MICOS10: variants seen among roughly 807,000 people sequenced by gnomAD.
MICOS10 encodes the protein mitochondrial contact site and cristae organizing system subunit 10.
MICOS10 carries 5 observed loss-of-function variants against 13.4 expected under a neutral mutation model. That is an observed-to-expected ratio of 0.37 (90% CI 0.20 to 0.78). The LOEUF is 0.78. Among genes scored for constraint, MICOS10 ranks in the 30% least tolerant of loss-of-function variants. The pLI, the probability that MICOS10 is intolerant of heterozygous loss-of-function variation, is 0.47. For missense variants in MICOS10, 101 were observed against 94.6 expected, an observed-to-expected ratio of 1.07 and a Z score of -0.28; for synonymous variants, 35 against 33.6, an observed-to-expected ratio of 1.04 and a Z score of -0.15.
At chr1:19,608,109 C>T (rs1360629964) in intron 1 of MICOS10, 1 of 1,022,804 alleles carries the variant, frequency 9.8e-7, no homozygotes. Flanking sequence ...AGACGACGTG[C>T]AGAAATGGCA....
chr1:19,625,868 C>T (rs1452278504), intron 3 of MICOS10, among the ~76,000 whole-genome samples: 1 of 152,170 alleles, frequency 6.6e-6, no homozygotes, highest in Non-Finnish European at 1.5e-5. Flanking sequence ...AAATCCCAAC[C>T]TGGGCTTATT....
rs1168133201 is a variant in MICOS10 at position 19,601,071 on chromosome 1, T to C, written c.64+3962T>C. On this transcript the variant is annotated intron_variant, in intron 1 of 3. Coordinates refer to ENST00000322753, the MANE Select transcript of MICOS10 (RefSeq NM_001032363.4). ...CCTGTTTGCTGTACGATGACTATTATAATCACTCGTGTTTAGCATAGGTGT... is the reference window on the plus strand; with the variant it reads ...CCTGTTTGCTGTACGATGACTATTACAATCACTCGTGTTTAGCATAGGTGT... The C allele has an allele frequency of 5.8e-6, 7 of 1,200,678 alleles. No individual in the cohort carries two copies. In the Admixed American group the frequency reaches 6.9e-5, roughly 12 times the overall value. 74.4% of individuals were successfully genotyped at this position (1,200,678 alleles called of 1,614,324 possible).
intron 1 of MICOS10, chr1:19,601,049 G>C (rs1299300725): frequency 3.9e-6 from 5 of 1,270,002 alleles, no homozygotes; most frequent in Non-Finnish European, 5.1e-6. Context: ...TTTCCCACCT[G>C]TTTGCTGTAC....
intron 3 of MICOS10, chr1:19,623,813 G>A: frequency 2.6e-6 from 1 of 377,898 alleles, no homozygotes; most frequent in Admixed American, 4.2e-5. Context: ...TCATGTGCTA[G>A]CCGATTGGAA....
rs568850747 is a variant in MICOS10 at position 19,626,424 on chromosome 1, G to A, written c.*23G>A. 139 of 1,613,668 alleles carry A rather than the reference G, an allele frequency of 8.6e-5. 3 individuals carry two copies. The South Asian group carries it at 1.3e-3, about 15-fold the overall frequency. ...TGACTTCACCTGAGAACATCCCAGC[G>A]GGAGGACAAGAGAAATCATGTTTAT... On this transcript the variant is annotated 3_prime_UTR_variant, in exon 4 of 4. Coordinates refer to ENST00000322753, the MANE Select transcript of MICOS10 (RefSeq NM_001032363.4).
chr1:19,622,206 G>T, intron 2 of MICOS10, 59 bp downstream of exon 2: 2 of 1,399,556 alleles, frequency 1.4e-6, no homozygotes, highest in Non-Finnish European at 1.0e-6. Flanking sequence ...ACGTAGCAGG[G>T]ACACTTCCAG....
rs1290956915 is a variant in MICOS10 at position 19,626,987 on chromosome 1, C to T, written c.*586C>T. 2 of 155,030 alleles carry T rather than the reference C, an allele frequency of 1.3e-5. No individual in the cohort carries two copies. The highest frequency in any genetic ancestry group is 6.3e-5 in the Admixed American group (1 of 15,890). The allele number at this position is 155,030 out of a possible 1,614,324, so 9.6% of individuals were successfully genotyped here. A position where few individuals can be genotyped will look rare whatever the true frequency, so the allele number is the denominator to read the frequency against. ...GCTGCTGTATTAGCAGGGGAAGAATCCTGGCTGTGTGGATGGCCCACTCCA... is the reference window on the plus strand; with the variant it reads ...GCTGCTGTATTAGCAGGGGAAGAATTCTGGCTGTGTGGATGGCCCACTCCA... On this transcript the variant is annotated 3_prime_UTR_variant, in exon 4 of 4. Coordinates refer to ENST00000322753, the MANE Select transcript of MICOS10 (RefSeq NM_001032363.4).
In MICOS10 at chr1:19,629,704, T is replaced by G. The variant is rs1404792617; in HGVS notation, c.*3303T>G. 2 of 152,238 alleles carry G rather than the reference T, an allele frequency of 1.3e-5. No individual in the cohort carries two copies. The highest frequency in any genetic ancestry group is 1.5e-5 in the Non-Finnish European group (1 of 68,044). 9.4% of individuals were successfully genotyped at this position (152,238 alleles called of 1,614,324 possible). On this transcript the variant is annotated 3_prime_UTR_variant, in exon 4 of 4. Transcript: ENST00000322753. ...TAGTTTTCCCAAACCTGTTTACATT[T>G]TTTAAAAATGTAACCAACCCATAAT... is the stretch of plus-strand genomic sequence containing the variant.
intron 1 of MICOS10, 97 bp from the exon 2 acceptor site, chr1:19,622,003 A>G: frequency 1.1e-6 from 1 of 895,176 alleles, no homozygotes; most frequent in Non-Finnish European, 1.7e-6. Context: ...TTATGAAAAA[A>G]AATCTGTTTA....
At position 19,626,419 on chromosome 1, in the gene MICOS10, C is replaced by T; in HGVS notation, c.*18C>T. 6 of 1,613,738 alleles carry T rather than the reference C, an allele frequency of 3.7e-6. No homozygotes were observed. The highest frequency in any genetic ancestry group is 5.1e-6 in the Non-Finnish European group (6 of 1,179,726). On this transcript the variant is annotated 3_prime_UTR_variant, in exon 4 of 4. Transcript: ENST00000322753. Reference sequence around the variant, plus strand: ...AGCAGTGACTTCACCTGAGAACATCCCAGCGGGAGGACAAGAGAAATCATG... The same window carrying T: ...AGCAGTGACTTCACCTGAGAACATCTCAGCGGGAGGACAAGAGAAATCATG...
intron 1 of MICOS10, chr1:19,600,990 G>T: frequency 3.1e-6 from 4 of 1,289,328 alleles, no homozygotes; most frequent in Non-Finnish European, 4.0e-6. Context: ...TTCTCTGTTT[G>T]GTTGTCTTAT....
intron 1 of MICOS10, among the ~76,000 whole-genome samples, chr1:19,613,292 C>G (rs1570488732): frequency 6.6e-6 from 1 of 152,202 alleles, no homozygotes; most frequent in Admixed American, 6.5e-5. Context: ...CCAGAGTGAA[C>G]TACATAAAGT....
chr1:19,612,311 C>T (rs1303354192), intron 1 of MICOS10, among the ~76,000 whole-genome samples: 5 of 151,650 alleles, frequency 3.3e-5, no homozygotes, highest in African/African-American at 7.3e-5. Flanking sequence ...CTGCCTCAGC[C>T]TCCCAAAGTG....
At chr1:19,621,985 C>A in intron 1 of MICOS10, 115 bp from the exon 2 acceptor site, 1 of 774,178 alleles carries the variant, frequency 1.3e-6, no homozygotes, top group South Asian at 1.9e-5. Flanking sequence ...AATTAATTCT[C>A]TACCAAATTA....
At chr1:19,603,331 AAAAC>A (rs768406694) in intron 1 of MICOS10, among the ~76,000 whole-genome samples, 19 of 152,262 alleles carry the variant, frequency 1.2e-4, no homozygotes, top group African/African-American at 3.4e-4. Context: ...ACTCCATCTC[AAAAC>A]AAACAAACAA....
intron 1 of MICOS10, chr1:19,601,315 A>G (rs1005317636): frequency 1.1e-5 from 3 of 275,846 alleles, no homozygotes; most frequent in Non-Finnish European, 2.2e-5. Context: ...ACAGTGGCTC[A>G]TGCCTATAAT....
At chr1:19,619,128 T>C (rs1162929387) in intron 1 of MICOS10, among the ~76,000 whole-genome samples, 1 of 152,242 alleles carries the variant, frequency 6.6e-6, no homozygotes, top group African/African-American at 2.4e-5. Flanking sequence ...TGAATTTCTG[T>C]TTCTGTTCCT....
At chr1:19,622,299 A>T (rs988146905) in intron 2 of MICOS10, 152 bp downstream of exon 2, 2 of 558,058 alleles carry the variant, frequency 3.6e-6, no homozygotes, top group African/African-American at 3.9e-5. Context: ...AATGAATTAG[A>T]TAAAGAATGT....
intron 1 of MICOS10, among the ~76,000 whole-genome samples, chr1:19,616,501 G>A (rs1160717471): frequency 1.3e-5 from 2 of 152,148 alleles, no homozygotes; most frequent in African/African-American, 4.8e-5. Flanking sequence ...TTTCTGGCTT[G>A]ATTTGTTGAC....
Sources: allele counts gnomAD v4.1 joint callset (sites outside exome capture counted in the v4.1 genomes callset), GRCh38; gene constraint gnomAD v4.1.1; transcripts MANE v1.5; gene names NCBI Gene and HGNC (gene_info 2026-07-23, HGNC 2026-07-21).